The following VKORC1L1 variants were observed in gnomAD, a reference collection of about 807,000 sequenced individuals.
VKORC1L1 encodes the protein vitamin K epoxide reductase complex subunit 1L1.
In VKORC1L1, 2 loss-of-function variants were observed where a neutral mutation model predicts 18.9. The ratio of observed to expected loss-of-function variants is 0.11; its 90% confidence interval spans 0.04 to 0.33. The LOEUF is 0.33. Ranked by LOEUF, VKORC1L1 falls within the 10% of genes least tolerant of loss-of-function variation. The probability of loss-of-function intolerance (pLI) is 1.00; values close to 1 mark genes in which losing one functional copy is unlikely to be tolerated. For missense variants in VKORC1L1, 123 were observed against 224.1 expected, an observed-to-expected ratio of 0.55 and a Z score of 2.88; for synonymous variants, 96 against 100.0, an observed-to-expected ratio of 0.96 and a Z score of 0.24.
At position 65,883,323 on chromosome 7, in the gene VKORC1L1, A is replaced by T. The variant is rs368178677; in HGVS notation, c.194+9758A>T. 5.5e-4 allele frequency among the ~76,000 whole-genome samples: 83 copies of T among 151,372 alleles called. 1 individual carries two copies. In the East Asian group the frequency reaches 0.011, roughly 21 times the overall value. ...TGCCTGGCTGATTTTTTGTGTGTGT[A>T]TATTTTTAGTAGAGACGGGGTTTCA... On this transcript the variant is annotated intron_variant, in intron 1 of 2. Coordinates refer to ENST00000360768, the MANE Select transcript of VKORC1L1 (RefSeq NM_173517.6).
At chr7:65,929,114 T>G (rs2115655659) in intron 1 of VKORC1L1, among the ~76,000 whole-genome samples, 1 of 152,216 alleles carries the variant, frequency 6.6e-6, no homozygotes, top group Non-Finnish European at 1.5e-5. Context: ...TTTAAGAGTT[T>G]TTGAAAAAAG....
intron 1 of VKORC1L1, among the ~76,000 whole-genome samples, chr7:65,912,945 G>A (rs971011360): frequency 6.6e-6 from 1 of 152,148 alleles, no homozygotes; most frequent in Non-Finnish European, 1.5e-5. Context: ...TCCAGGAGCA[G>A]CACCGGTCCG....
chr7:65,929,670 A>C (rs954001579), intron 1 of VKORC1L1, among the ~76,000 whole-genome samples: 4 of 117,456 alleles, frequency 3.4e-5, no homozygotes, highest in African/African-American at 1.4e-4. Flanking sequence ...GTGTGTGTGT[A>C]TGTGTGTGTG....
At chr7:65,940,634 G>A (rs1003685155) in intron 1 of VKORC1L1, among the ~76,000 whole-genome samples, 19 of 152,184 alleles carry the variant, frequency 1.2e-4, no homozygotes, top group African/African-American at 4.1e-4. Flanking sequence ...GGCTCCAAGA[G>A]AGATGTCTTC....
At chr7:65,889,719 T>C (rs1410117336) in intron 1 of VKORC1L1, among the ~76,000 whole-genome samples, 1 of 152,228 alleles carries the variant, frequency 6.6e-6, no homozygotes, top group Admixed American at 6.5e-5. Context: ...TCCTGACTTT[T>C]ATGAGAATCA....
chr7:65,941,302 G>A (rs1407455273), intron 1 of VKORC1L1, among the ~76,000 whole-genome samples: 3 of 151,874 alleles, frequency 2.0e-5, no homozygotes, highest in Middle Eastern at 3.4e-3. Context: ...TTTAGGTAGC[G>A]ACAGAGTCTC....
intron 1 of VKORC1L1, among the ~76,000 whole-genome samples, chr7:65,906,162 C>T (rs1039241796): frequency 5.3e-5 from 8 of 151,534 alleles, no homozygotes; most frequent in African/African-American, 1.2e-4. Context: ...AGGCCAGGCA[C>T]GGTGGCTCAT....
intron 1 of VKORC1L1, among the ~76,000 whole-genome samples, chr7:65,902,006 T>A (rs1164808655): frequency 6.6e-6 from 1 of 152,164 alleles, no homozygotes; most frequent in African/African-American, 2.4e-5. Context: ...AAAGCAAGTC[T>A]TGGAAGATAC....
At chr7:65,921,095 CTT>C (rs1356102344) in intron 1 of VKORC1L1, among the ~76,000 whole-genome samples, 1 of 151,768 alleles carries the variant, frequency 6.6e-6, no homozygotes, top group Non-Finnish European at 1.5e-5. Context: ...ATTTTTGTAA[CTT>C]TTTGAGATTG....
At chr7:65,952,494 C>T (rs1000638262) in intron 2 of VKORC1L1, among the ~76,000 whole-genome samples, 1 of 151,964 alleles carries the variant, frequency 6.6e-6, no homozygotes, top group Non-Finnish European at 1.5e-5. Context: ...CGTGGCTGTG[C>T]GGCAGCCGGC....
Position 65,885,223 on chromosome 7 carries a change from A to G in VKORC1L1, c.194+11658A>G, listed in dbSNP as rs12672194. ...ATATTGCCTGTTCATACCTTTGCCC[A>G]TTTTTTCCCTTTCTGGGTTGTTTAT... On this transcript the variant is annotated intron_variant, in intron 1 of 2. Coordinates refer to ENST00000360768, the MANE Select transcript of VKORC1L1 (RefSeq NM_173517.6). 1.2e-3 allele frequency among the ~76,000 whole-genome samples: 183 copies of G among 151,734 alleles called. 1 individual carries two copies. The East Asian group carries it at 0.032, about 27-fold the overall frequency.
At chr7:65,870,861 G>C (rs1196652716), upstream of VKORC1L1, among the ~76,000 whole-genome samples, 15 of 151,212 alleles carry the variant, frequency 9.9e-5, no homozygotes, top group Admixed American at 9.9e-4. Context: ...GCTCATTGCA[G>C]CCTCAATCCA....
chr7:65,949,493 AAATAAT>A (rs56928132), intron 2 of VKORC1L1, among the ~76,000 whole-genome samples: 6 of 149,384 alleles, frequency 4.0e-5, no homozygotes, highest in Non-Finnish European at 8.9e-5. Flanking sequence ...AAAAAGAAAT[AAATAAT>A]AATAATAATA....
chr7:65,946,808 G>A (rs192396741), intron 1 of VKORC1L1, among the ~76,000 whole-genome samples: 4 of 152,188 alleles, frequency 2.6e-5, no homozygotes, highest in Admixed American at 2.0e-4. Flanking sequence ...AAGAATAAAT[G>A]AATATAATGG....
At chr7:65,947,336 C>CT (rs1352520554) in intron 1 of VKORC1L1, among the ~76,000 whole-genome samples, 1 of 150,946 alleles carries the variant, frequency 6.6e-6, no homozygotes, top group African/African-American at 2.4e-5. Context: ...TTTATCCTTG[C>CT]TTTGGGGCAG....
Position 65,873,195 on chromosome 7 carries a change from C to T in VKORC1L1, c.-177C>T, listed in dbSNP as rs988809065. The T allele has an allele frequency of 3.7e-6, 3 of 814,254 alleles. No individual in the cohort carries two copies. The highest frequency in any genetic ancestry group is 1.9e-5 in the African/African-American group (1 of 53,464). The allele number at this position is 814,254 out of a possible 1,614,324, so 50.4% of individuals were successfully genotyped here. ...CTTTTGGGGCGGTTGGGCCGCGCGC[C>T]TGTGGGGGCGGGGCCCGGAGCAGGC... On this transcript the variant is annotated 5_prime_UTR_variant, in exon 1 of 3. Coordinates refer to ENST00000360768, the MANE Select transcript of VKORC1L1 (RefSeq NM_173517.6).
At chr7:65,888,234 C>T (rs1789047712) in intron 1 of VKORC1L1, among the ~76,000 whole-genome samples, 1 of 152,042 alleles carries the variant, frequency 6.6e-6, no homozygotes, top group South Asian at 2.1e-4. Context: ...TCTATAGGGT[C>T]CCTGGGAGAA....
chr7:65,880,642 C>T (rs1788912306), intron 1 of VKORC1L1, among the ~76,000 whole-genome samples: 1 of 152,030 alleles, frequency 6.6e-6, no homozygotes, highest in Admixed American at 6.6e-5. Flanking sequence ...CTAGCTAAAG[C>T]GCCACACAGA....
upstream of VKORC1L1, among the ~76,000 whole-genome samples, chr7:65,871,117 T>C (rs543133390): frequency 1.3e-5 from 2 of 152,302 alleles, no homozygotes; most frequent in South Asian, 4.1e-4. Flanking sequence ...AGCTTCCTCA[T>C]ATTCATGTCC....
Sources: gnomAD v4.1 joint callset for allele counts (sites outside exome capture counted in the v4.1 genomes callset) on GRCh38, gnomAD v4.1.1 for gene constraint, MANE v1.5 for transcripts, NCBI Gene and HGNC (gene_info 2026-07-23, HGNC 2026-07-21) for gene names.